CNTNAP2: variants seen among roughly 807,000 people sequenced by gnomAD.
CNTNAP2 encodes contactin associated protein 2, also known as contactin-associated protein-like 2.
A neutral mutation model predicts 155.2 loss-of-function variants in CNTNAP2; 98 were observed. The observed-to-expected ratio is 0.63, with a 90% CI of 0.54 to 0.75. The LOEUF (loss-of-function observed/expected upper bound fraction) is 0.75, where lower values mean the gene tolerates loss of function less well. CNTNAP2 is among the 30% of genes least tolerant of loss of function. The probability of loss-of-function intolerance (pLI) is 0.00; values close to 1 mark genes in which losing one functional copy is unlikely to be tolerated. For synonymous variants in CNTNAP2, 651 were observed against 631.2 expected, an observed-to-expected ratio of 1.03 and a Z score of -0.47; for missense variants, 1,727 against 1,688.1, an observed-to-expected ratio of 1.02 and a Z score of -0.40.
chr7:147,608,433 A>T (rs978831185), intron 12 of CNTNAP2, among the ~76,000 whole-genome samples: 1 of 151,862 alleles, frequency 6.6e-6, no homozygotes, highest in Non-Finnish European at 1.5e-5. Context: ...ATCTGGTAGG[A>T]TCTATAACCC....
intron 1 of CNTNAP2, among the ~76,000 whole-genome samples, chr7:146,451,843 T>TGTATACGTGTATATATAC: frequency 1.7e-5 from 1 of 60,028 alleles, no homozygotes; most frequent in South Asian, 2.9e-4. Flanking sequence ...TACATATATA[T>TGTATACGTGTATATATAC]ATACACGTAT....
intron 15 of CNTNAP2, among the ~76,000 whole-genome samples, chr7:148,018,793 A>C (rs1384351759): frequency 6.6e-6 from 1 of 152,238 alleles, no homozygotes; most frequent in Non-Finnish European, 1.5e-5. Context: ...ACCACAAAAC[A>C]GCATCAAACA....
intron 21 of CNTNAP2, among the ~76,000 whole-genome samples, chr7:148,366,288 G>A (rs148063704): frequency 1.4e-4 from 20 of 148,006 alleles, no homozygotes; most frequent in African/African-American, 3.2e-4. Flanking sequence ...ATATGTATGT[G>A]TACATGTATA....
intron 3 of CNTNAP2, among the ~76,000 whole-genome samples, chr7:147,037,193 A>G (rs1388081820): frequency 1.3e-5 from 2 of 152,250 alleles, no homozygotes; most frequent in East Asian, 3.9e-4. Context: ...ACACTATATT[A>G]GATGTACTAT....
intron 3 of CNTNAP2, among the ~76,000 whole-genome samples, chr7:147,011,641 T>C (rs559883237): frequency 7.8e-6 from 1 of 128,122 alleles, no homozygotes; most frequent in Non-Finnish European, 1.7e-5. Flanking sequence ...TCCGAGCCAC[T>C]CATTCTCCTC....
chr7:146,820,865 A>C (rs1803266926), intron 2 of CNTNAP2, among the ~76,000 whole-genome samples: 1 of 152,154 alleles, frequency 6.6e-6, no homozygotes, highest in Non-Finnish European at 1.5e-5. Flanking sequence ...GGGTGCATAT[A>C]TATTTAGAAT....
chr7:148,216,404 A>G (rs1795638520), intron 18 of CNTNAP2, among the ~76,000 whole-genome samples: 1 of 152,220 alleles, frequency 6.6e-6, no homozygotes, highest in Non-Finnish European at 1.5e-5. Flanking sequence ...TGGCAGAGCC[A>G]AATTTGAACC....
At chr7:146,820,373 G>A (rs1249149682) in intron 2 of CNTNAP2, among the ~76,000 whole-genome samples, 1 of 152,086 alleles carries the variant, frequency 6.6e-6, no homozygotes, top group African/African-American at 2.4e-5. Flanking sequence ...TCTTGTTCCT[G>A]TAGTATATAT....
At chr7:147,151,159 A>G (rs10500170) in intron 8 of CNTNAP2, among the ~76,000 whole-genome samples, 17,695 of 152,284 alleles carry the variant, frequency 0.12, 1,327 homozygotes, top group Middle Eastern at 0.18. Context: ...ATGTGAGAGT[A>G]TCCAAGTTTT....
intron 10 of CNTNAP2, among the ~76,000 whole-genome samples, chr7:147,414,815 C>G (rs1436240681): frequency 2.0e-5 from 3 of 151,182 alleles, no homozygotes; most frequent in Admixed American, 6.6e-5. Context: ...GTGGTGGGCG[C>G]CTGTAGTCCC....
chr7:147,915,190 C>A (rs867830331), intron 14 of CNTNAP2, among the ~76,000 whole-genome samples: 10 of 152,164 alleles, frequency 6.6e-5, no homozygotes, highest in African/African-American at 2.4e-4. Flanking sequence ...CAAAACCAAA[C>A]AAAGCATCTT....
chr7:147,072,670 G>A (rs1799915873), intron 4 of CNTNAP2, among the ~76,000 whole-genome samples: 1 of 152,034 alleles, frequency 6.6e-6, no homozygotes. Flanking sequence ...GGAAAAAAGT[G>A]CTGGAAATGC....
chr7:147,718,525 C>T lies in CNTNAP2; in HGVS notation c.2098+79219C>T, dbSNP rs182424726. ...TTTTTAAAGTGAACCTCTTACAAAA[C>T]AAAATATATTTCAGTCTTTAGAGAG... is the stretch of plus-strand genomic sequence containing the variant. On this transcript the variant is annotated intron_variant, in intron 13 of 23. Coordinates refer to ENST00000361727, the MANE Select transcript of CNTNAP2 (RefSeq NM_014141.6). Among the ~76,000 whole-genome samples, 69 of 152,146 alleles carry T rather than the reference C, an allele frequency of 4.5e-4. 3 individuals are homozygous for T. The South Asian group carries it at 0.012, about 27-fold the overall frequency.
chr7:147,786,368 A>G (rs1472019020), intron 13 of CNTNAP2, among the ~76,000 whole-genome samples: 4 of 118,030 alleles, frequency 3.4e-5, no homozygotes, highest in African/African-American at 2.0e-4. Context: ...AACAGTGAGG[A>G]GGGGGTCTGG....
intron 1 of CNTNAP2, among the ~76,000 whole-genome samples, chr7:146,253,872 CAT>C (rs1462388011): frequency 6.7e-6 from 1 of 150,346 alleles, no homozygotes; most frequent in Non-Finnish European, 1.5e-5. Context: ...GCCTGAGAAA[CAT>C]AGTGCAACCC....
chr7:147,514,694 C>T (rs1195720105), intron 11 of CNTNAP2, among the ~76,000 whole-genome samples: 1 of 151,904 alleles, frequency 6.6e-6, no homozygotes, highest in Non-Finnish European at 1.5e-5. Context: ...AACTTATCCA[C>T]AGTGAGTATA....
At chr7:147,130,159 A>G (rs1801323978) in intron 7 of CNTNAP2, among the ~76,000 whole-genome samples, 1 of 152,154 alleles carries the variant, frequency 6.6e-6, no homozygotes, top group African/African-American at 2.4e-5. Context: ...TGCTGCTGTA[A>G]TCCCAACACT....
intron 12 of CNTNAP2, among the ~76,000 whole-genome samples, chr7:147,612,024 T>C (rs1801197493): frequency 6.6e-6 from 1 of 152,182 alleles, no homozygotes; most frequent in South Asian, 2.1e-4. Flanking sequence ...CTTCAACTTA[T>C]CCACCGGGAA....
chr7:146,792,062 A>C (rs1448692083), intron 2 of CNTNAP2, among the ~76,000 whole-genome samples: 1 of 152,176 alleles, frequency 6.6e-6, no homozygotes, highest in Non-Finnish European at 1.5e-5. Flanking sequence ...TCGGGAAATA[A>C]AAATCCTGTT....
Sources: gnomAD v4.1 joint callset for allele counts (sites outside exome capture counted in the v4.1 genomes callset) on GRCh38, gnomAD v4.1.1 for gene constraint, MANE v1.5 for transcripts, NCBI Gene and HGNC (gene_info 2026-07-23, HGNC 2026-07-21) for gene names.